The following DHRS3 variants were observed in gnomAD, a reference collection of about 807,000 sequenced individuals.
The protein encoded by DHRS3 is dehydrogenase/reductase 3, also known as short-chain dehydrogenase/reductase 3.
A neutral mutation model predicts 27.2 loss-of-function variants in DHRS3; 14 were observed. The observed-to-expected ratio is 0.52, with a 90% confidence interval of 0.34 to 0.81. The LOEUF (loss-of-function observed/expected upper bound fraction) is 0.81. DHRS3 is among the 30% of genes least tolerant of loss of function. The pLI, the probability that DHRS3 is intolerant of heterozygous loss-of-function variation, is 0.01. For synonymous variants in DHRS3, 165 were observed against 175.9 expected, an observed-to-expected ratio of 0.94 and a Z score of 0.49; for missense variants, 322 against 406.2, an observed-to-expected ratio of 0.79 and a Z score of 1.78.
intron 1 of DHRS3, among the ~76,000 whole-genome samples, chr1:12,614,513 T>TAA (rs59203914): frequency 7.6e-5 from 11 of 143,864 alleles, no homozygotes; most frequent in African/African-American, 2.3e-4. Context: ...AGTGTGCCTT[T>TAA]AAAAAAAAAA....
rs1646568984 is a variant in DHRS3 at position 12,574,576 on chromosome 1, A to C, written c.699-1723T>G. On this transcript the variant is annotated intron_variant, in intron 4 of 5. Transcript: ENST00000616661. The surrounding 1 kb of genome is among the most constrained non-coding windows in gnomAD (Gnocchi z 4.6). ...GGCAGCTCACTGATACTGGAGTCCTACAGGTGTCGTGGGCGGTCTGGATTC... is the reference window on the plus strand; with the variant it reads ...GGCAGCTCACTGATACTGGAGTCCTCCAGGTGTCGTGGGCGGTCTGGATTC... Among the ~76,000 whole-genome samples the C allele has an allele frequency of 6.6e-6, 1 of 152,154 alleles. No individual in the cohort carries two copies. Among genetic ancestry groups the C allele is most frequent in the South Asian group, 2.1e-4 (1 of 4,830 alleles).
In DHRS3 at chr1:12,578,741, C is replaced by T. The variant is rs1195332754; in HGVS notation, c.675G>A (p.Glu225=). The T allele has an allele frequency of 6.2e-7, 1 of 1,614,004 alleles. No individual in the cohort carries two copies. The highest frequency in any genetic ancestry group is 1.1e-5 in the South Asian group (1 of 91,074). The change falls in exon 4 of 6, where the codon GAG becomes GAA. Residue 225 remains glutamate (E), a synonymous_variant. Coordinates refer to ENST00000616661, the MANE Select transcript of DHRS3 (RefSeq NM_004753.7). This position sits in a 1 kb window ranked among gnomAD's most constrained non-coding sequence, Gnocchi z 4.5. ...ACCTGACTCTCATGCCCTGGAACAT[C>T]TCGGTGCTGGTGTGGAAGGGCAGCA... The part of the protein sequence containing the change: ...TTVLPFHTST[E]MFQGMRVRFP...
At chr1:12,572,285 A>G (rs1646544441) in intron 5 of DHRS3, among the ~76,000 whole-genome samples, 1 of 152,142 alleles carries the variant, frequency 6.6e-6, no homozygotes, top group Non-Finnish European at 1.5e-5. Context: ...CTCCTGCCTC[A>G]GCCTCCCGAG....
rs564625890 is a variant in DHRS3 at position 12,589,620 on chromosome 1, G to T, written c.196-8954C>A. ...CACCAATATGGTGAATTACAGGTGT[G>T]AGCCACCGTGCCCAGCCTAAAACAC... On this transcript the variant is annotated intron_variant, in intron 1 of 5. Coordinates refer to ENST00000616661, the MANE Select transcript of DHRS3 (RefSeq NM_004753.7). Among the ~76,000 whole-genome samples, 212 of 152,138 alleles carry T rather than the reference G, an allele frequency of 1.4e-3. 1 individual carries two copies. Among genetic ancestry groups the T allele is most frequent in the Non-Finnish European group, 2.1e-3 (146 of 67,994 alleles).
chr1:12,616,511 G>A (rs1646945488), intron 1 of DHRS3: 4 of 970,516 alleles, frequency 4.1e-6, no homozygotes, highest in Non-Finnish European at 3.7e-6. Context: ...GGGGGGGAGG[G>A]GACAGGGTTG....
At chr1:12,571,694 C>T (rs570385748) in intron 5 of DHRS3, among the ~76,000 whole-genome samples, 408 of 152,142 alleles carry the variant, frequency 2.7e-3, no homozygotes, top group African/African-American at 9.4e-3. Flanking sequence ...CCACACCCAG[C>T]TAATTTTTTT....
chr1:12,607,143 G>A (rs1210802276), intron 1 of DHRS3, among the ~76,000 whole-genome samples: 1 of 152,216 alleles, frequency 6.6e-6, no homozygotes, highest in African/African-American at 2.4e-5. Context: ...GCTCCACTAA[G>A]ACAAGGTTCG....
intron 1 of DHRS3, among the ~76,000 whole-genome samples, chr1:12,613,559 A>C (rs757999880): frequency 6.6e-6 from 1 of 152,224 alleles, no homozygotes; most frequent in Non-Finnish European, 1.5e-5. Context: ...TGGGAAGGAC[A>C]CAGGACTTGC....
chr1:12,577,771 C>G (rs1186059388), intron 4 of DHRS3, among the ~76,000 whole-genome samples: 1 of 152,094 alleles, frequency 6.6e-6, no homozygotes, highest in East Asian at 1.9e-4. Context: ...TGCAGTGAGC[C>G]GAGATCGCGC....
In DHRS3 at chr1:12,593,356, T is replaced by TA. The variant is rs900676625; in HGVS notation, c.196-12691dup. Among the ~76,000 whole-genome samples the TA allele has an allele frequency of 3.3e-5, 5 of 152,154 alleles. No homozygotes were observed. Among genetic ancestry groups the TA allele is most frequent in the Admixed American group, 2.6e-4 (4 of 15,282 alleles). On this transcript the variant is annotated intron_variant, in intron 1 of 5. Transcript: ENST00000616661. The surrounding 1 kb of genome is among the most constrained non-coding windows in gnomAD (Gnocchi z 4.6). ...CTTGTAGGGCACCCTCTTTTCTTTT[T>TA]AAAAAATTATTATGATTATTATTAT...
intron 4 of DHRS3, among the ~76,000 whole-genome samples, chr1:12,576,035 T>C (rs901538871): frequency 3.3e-5 from 5 of 152,058 alleles, no homozygotes; most frequent in African/African-American, 1.2e-4. Context: ...AATCTCTTTT[T>C]AGAGGTGAGG....
chr1:12,571,709 T>A (rs1421600630), intron 5 of DHRS3, among the ~76,000 whole-genome samples: 4 of 151,988 alleles, frequency 2.6e-5, no homozygotes, highest in African/African-American at 9.7e-5. Context: ...TTTTTTTGTA[T>A]TTTTAGTACA....
At chr1:12,616,473 A>G (rs1433242648) in intron 1 of DHRS3, 1 of 829,864 alleles carries the variant, frequency 1.2e-6, no homozygotes, top group Non-Finnish European at 1.4e-6. Context: ...TTCCAGCTAA[A>G]TGGGGAGGGA....
chr1:12,616,236 G>A (rs1646943585), intron 1 of DHRS3, among the ~76,000 whole-genome samples: 1 of 152,024 alleles, frequency 6.6e-6, no homozygotes, highest in African/African-American at 2.4e-5. Flanking sequence ...CCCTGTTTTC[G>A]CTCTTCCTCT....
chr1:12,580,783 G>A, intron 1 of DHRS3, 117 bp from the exon 2 acceptor site: 3 of 1,225,244 alleles, frequency 2.4e-6, no homozygotes, highest in South Asian at 3.0e-5. Flanking sequence ...GGCCTCCCTG[G>A]TTCCACCCAA....
At position 12,580,636 on chromosome 1, in the gene DHRS3, G is replaced by A; in HGVS notation, c.226C>T (p.Leu76=). The part of the protein sequence containing the change: ...IVLWGRTEKC[L]KETTEEIRQM... ...CGGATCTCCTCCGTCGTCTCCTTCA[G>A]GCATTTCTCAGTCCGGCCCCAGAGA... Residue 76 remains leucine, a synonymous_variant, in exon 2 of 6, where the codon CTG becomes TTG. Transcript: ENST00000616661. 1 of 1,613,998 alleles carries A rather than the reference G, an allele frequency of 6.2e-7. No individual in the cohort carries two copies. The highest frequency in any genetic ancestry group is 8.5e-7 in the Non-Finnish European group (1 of 1,180,000).
At chr1:12,588,132 T>C (rs1646713533) in intron 1 of DHRS3, among the ~76,000 whole-genome samples, 1 of 152,212 alleles carries the variant, frequency 6.6e-6, no homozygotes, top group South Asian at 2.1e-4. Context: ...GGGCTGTTTT[T>C]CTCTGTTTCA....
rs78516810 is a variant in DHRS3, at chr1:12,607,674, A to G, written c.195+9480T>C. 3.0e-3 allele frequency among the ~76,000 whole-genome samples: 464 copies of G among 152,266 alleles called. 6 individuals carry two copies. Among genetic ancestry groups the G allele is most frequent in the African/African-American group, 0.01 (416 of 41,534 alleles). On this transcript the variant is annotated intron_variant, in intron 1 of 5. Coordinates refer to ENST00000616661, the MANE Select transcript of DHRS3 (RefSeq NM_004753.7). Reference sequence around the variant, plus strand: ...GTGAGAAAGGACTAAGACAAAGGGCATCCATTTCTCTTCAGCTAATGATGT... The same window carrying G: ...GTGAGAAAGGACTAAGACAAAGGGCGTCCATTTCTCTTCAGCTAATGATGT...
chr1:12,585,247 C>CTGTGTGTG (rs1557520179), intron 1 of DHRS3, among the ~76,000 whole-genome samples: 87 of 139,622 alleles, frequency 6.2e-4, no homozygotes, highest in African/African-American at 2.2e-3. Context: ...GTGTGTGTCT[C>CTGTGTGTG]TGTGTCTCTG....
Sources: allele counts gnomAD v4.1 joint callset (sites outside exome capture counted in the v4.1 genomes callset), GRCh38; gene constraint gnomAD v4.1.1; non-coding constraint Gnocchi (gnomAD v3.1); transcripts MANE v1.5; gene names NCBI Gene and HGNC (gene_info 2026-07-23, HGNC 2026-07-21).